Variants in PLEKHG1 observed in about 807,000 individuals in gnomAD.
The protein encoded by PLEKHG1 is pleckstrin homology and RhoGEF domain containing G1, also known as pleckstrin homology domain-containing family G member 1.
PLEKHG1 carries 44 observed loss-of-function variants against 100.8 expected under a neutral mutation model. The observed-to-expected ratio is 0.44, with a 90% CI of 0.34 to 0.56. PLEKHG1 has a LOEUF of 0.56. Among genes scored for constraint, PLEKHG1 ranks in the 20% least tolerant of loss-of-function variants. The probability of loss-of-function intolerance (pLI) is 0.01; values close to 1 mark genes in which losing one functional copy is unlikely to be tolerated. For missense variants in PLEKHG1, 1,545 were observed against 1,720.9 expected (o/e 0.90, Z 1.81); for synonymous variants, 640 against 662.5 (o/e 0.97, Z 0.52).
At position 150,822,300 on chromosome 6, in the gene PLEKHG1, C is replaced by T. The variant is rs193026992; in HGVS notation, c.1447+1067C>T. Among the ~76,000 whole-genome samples the T allele has an allele frequency of 2.7e-3, 404 of 151,552 alleles. 3 individuals carry two copies. The highest frequency in any genetic ancestry group is 4.5e-3 in the Admixed American group (68 of 15,186). On this transcript the variant is annotated intron_variant, in intron 13 of 15. Transcript: ENST00000358517. Reference sequence around the variant, plus strand: ...TAAATAGAAGGGAAAAAACTATGAACGTGGCCAAAACATATAGAAAAATAG... The same window carrying T: ...TAAATAGAAGGGAAAAAACTATGAATGTGGCCAAAACATATAGAAAAATAG...
At chr6:150,643,209 T>A (rs565792865) in intron 2 of PLEKHG1, among the ~76,000 whole-genome samples, 2 of 152,240 alleles carry the variant, frequency 1.3e-5, no homozygotes, top group Non-Finnish European at 2.9e-5. Flanking sequence ...TTAAAAAAAA[T>A]AAACAGGAAA....
chr6:150,827,248 T>A (rs1031738081), intron 14 of PLEKHG1, among the ~76,000 whole-genome samples: 1 of 151,576 alleles, frequency 6.6e-6, no homozygotes, highest in African/African-American at 2.4e-5. Context: ...TAATTTGATG[T>A]AAATTTACAG....
At chr6:150,800,648 A>G in intron 5 of PLEKHG1, 71 bp from the exon 7 acceptor site, 1 of 1,415,606 alleles carries the variant, frequency 7.1e-7, no homozygotes, top group Non-Finnish European at 9.9e-7. Context: ...TTACACTTGC[A>G]ATAGCATTTA....
intron 10 of PLEKHG1, among the ~76,000 whole-genome samples, chr6:150,816,008 T>C (rs769232269): frequency 1.3e-5 from 2 of 152,166 alleles, no homozygotes; most frequent in African/African-American, 2.4e-5. Context: ...TTATTTCTAT[T>C]ACTACATGGT....
intron 3 of PLEKHG1, among the ~76,000 whole-genome samples, chr6:150,782,365 G>A (rs899914174): frequency 6.6e-6 from 1 of 152,114 alleles, no homozygotes; most frequent in Non-Finnish European, 1.5e-5. Context: ...TTGCACTCCA[G>A]CTTGGGCAGC....
chr6:150,786,265 C>T (rs1395788390), intron 3 of PLEKHG1, 125 bp from the exon 5 acceptor site: 4 of 671,792 alleles, frequency 6.0e-6, no homozygotes, highest in Non-Finnish European at 1.0e-5. Flanking sequence ...ACAGCAGATC[C>T]TCAGTTATCC....
At chr6:150,659,349 T>A (rs530942486) in intron 3 of PLEKHG1, among the ~76,000 whole-genome samples, 1 of 152,330 alleles carries the variant, frequency 6.6e-6, no homozygotes, top group African/African-American at 2.4e-5. Flanking sequence ...CAACCAGAAC[T>A]CTCTCTGCTC....
At chr6:150,679,822 A>C (rs1030038644) in intron 3 of PLEKHG1, among the ~76,000 whole-genome samples, 1 of 152,240 alleles carries the variant, frequency 6.6e-6, no homozygotes, top group African/African-American at 2.4e-5. Context: ...AAAGGAAAAA[A>C]AAATACAGGT....
intron 2 of PLEKHG1, among the ~76,000 whole-genome samples, chr6:150,758,035 G>T (rs1291156970): frequency 6.6e-6 from 1 of 152,116 alleles, no homozygotes; most frequent in African/African-American, 2.4e-5. Flanking sequence ...GCTGTATAGT[G>T]TTCCATGGTG....
chr6:150,788,633 G>A (rs1785774197), intron 4 of PLEKHG1, among the ~76,000 whole-genome samples: 1 of 152,172 alleles, frequency 6.6e-6, no homozygotes, highest in African/African-American at 2.4e-5. Context: ...GTCTGTTTTA[G>A]GTCTCTGGAA....
exon 16 of PLEKHG1, chr6:150,840,848 G>C: frequency 6.2e-7 from 1 of 1,613,170 alleles, no homozygotes; most frequent in Non-Finnish European, 8.5e-7. Context: ...ATATTGTCCA[G>C]TCTCTAAGGG....
chr6:150,809,104 G>A lies in PLEKHG1; in HGVS notation c.913-1G>A, dbSNP rs752928883. On this transcript the variant is annotated splice_acceptor_variant, in intron 7 of 15. Transcript: ENST00000358517. LOFTEE classifies it high-confidence loss of function. ...ATGCCATGGCCCATTCCCTTTCTCA[G>A]GAGATACAGAGTTTGCTCACTAACT... 1.9e-6 allele frequency: 3 copies of A among 1,612,516 alleles called. No individual in the cohort carries two copies. The highest frequency in any genetic ancestry group is 2.5e-6 in the Non-Finnish European group (3 of 1,178,734).
intron 3 of PLEKHG1, among the ~76,000 whole-genome samples, chr6:150,677,283 T>C (rs984759034): frequency 7.5e-6 from 1 of 134,138 alleles, no homozygotes; most frequent in African/African-American, 2.5e-5. Flanking sequence ...TTTCTTCCCC[T>C]ATACACACAC....
At chr6:150,702,004 A>G (rs1033423699) in intron 3 of PLEKHG1, among the ~76,000 whole-genome samples, 8 of 152,230 alleles carry the variant, frequency 5.3e-5, no homozygotes, top group African/African-American at 1.9e-4. Flanking sequence ...ATGATCATAC[A>G]GTAAGTCACA....
chr6:150,807,644 G>A (rs535253364), intron 7 of PLEKHG1, among the ~76,000 whole-genome samples: 55 of 152,198 alleles, frequency 3.6e-4, no homozygotes, highest in African/African-American at 1.3e-3. Context: ...GCAAGTGGGG[G>A]TGGTTAATGA....
chr6:150,763,478 G>A (rs1269016369), intron 2 of PLEKHG1, among the ~76,000 whole-genome samples: 2 of 152,152 alleles, frequency 1.3e-5, no homozygotes, highest in Non-Finnish European at 2.9e-5. Flanking sequence ...GGAAATCTAC[G>A]ATCTGGATTA....
intron 3 of PLEKHG1, among the ~76,000 whole-genome samples, chr6:150,682,301 G>C (rs569882974): frequency 6.6e-6 from 1 of 152,254 alleles, no homozygotes; most frequent in East Asian, 1.9e-4. Context: ...CCACCTGCAA[G>C]ACTGCAAAAG....
Position 150,775,673 on chromosome 6 carries a change from A to C in PLEKHG1, c.512+6935A>C, listed in dbSNP as rs375316450. On this transcript the variant is annotated intron_variant, in intron 3 of 15. Transcript: ENST00000358517. ...CAGAGCAACTAACACATGTCTGAAG[A>C]CAAAAGAAATTCTTTGGGCCACGCT... 4.3e-4 allele frequency among the ~76,000 whole-genome samples: 66 copies of C among 152,374 alleles called. 1 individual carries two copies. The highest frequency in any genetic ancestry group is 1.3e-3 in the African/African-American group (55 of 41,588).
chr6:150,737,764 CTTT>C (rs1033939208), intron 2 of PLEKHG1, among the ~76,000 whole-genome samples: 1 of 152,006 alleles, frequency 6.6e-6, no homozygotes, highest in Non-Finnish European at 1.5e-5. Flanking sequence ...TATGATAAAA[CTTT>C]TACCCTGCCT....
Sources: gnomAD v4.1 joint callset for allele counts (sites outside exome capture counted in the v4.1 genomes callset) on GRCh38, gnomAD v4.1.1 for gene constraint, MANE v1.5 for transcripts, NCBI Gene and HGNC (gene_info 2026-07-23, HGNC 2026-07-21) for gene names.